The following COBLL1 variants were observed in gnomAD, a reference collection of about 807,000 sequenced individuals.
The protein encoded by COBLL1 is cordon-bleu protein-like 1.
COBLL1 carries 50 observed loss-of-function variants against 94.8 expected under a neutral mutation model. The ratio of observed to expected loss-of-function variants is 0.53; its 90% CI spans 0.42 to 0.67. The LOEUF (loss-of-function observed/expected upper bound fraction) is 0.67. Among genes scored for constraint, COBLL1 ranks in the 30% least tolerant of loss-of-function variants. COBLL1 has a pLI of 0.00. For missense variants in COBLL1, 1,362 were observed against 1,348.7 expected, an observed-to-expected ratio of 1.01 and a Z score of -0.15; for synonymous variants, 448 against 473.8, an observed-to-expected ratio of 0.95 and a Z score of 0.71.
At chr2:164,826,554 C>T (rs895422233) in intron 2 of COBLL1, among the ~76,000 whole-genome samples, 5 of 152,174 alleles carry the variant, frequency 3.3e-5, no homozygotes, top group Non-Finnish European at 7.3e-5. Flanking sequence ...GTATTACTAT[C>T]CTCTTCCACA....
Position 164,683,046 on chromosome 2 carries a change from C to T in COBLL1, c.*2900G>A, listed in dbSNP as rs190237527. 11 of 146,798 alleles carry T rather than the reference C, an allele frequency of 7.5e-5. No homozygotes were observed. The highest frequency in any genetic ancestry group is 5.8e-4 in the East Asian group (3 of 5,160). The allele number at this position is 146,798 out of a possible 1,614,324, so 9.1% of individuals were successfully genotyped here. A position where few individuals can be genotyped will look rare whatever the true frequency, so the allele number is the denominator to read the frequency against. On this transcript the variant is annotated 3_prime_UTR_variant, in exon 14 of 14. Transcript: ENST00000652658. ...CACACACACACACACACACAAAAGCCCCCAACAAACCTGCACACATGTACT... is the reference window on the plus strand; with the variant it reads ...CACACACACACACACACACAAAAGCTCCCAACAAACCTGCACACATGTACT...
chr2:164,670,568 A>C (rs1161210300), intron 1 of COBLL1, among the ~76,000 whole-genome samples: 1 of 152,360 alleles, frequency 6.6e-6, no homozygotes, highest in East Asian at 1.9e-4. Context: ...TCTAAAAATG[A>C]ATACAGTGTT....
Position 164,695,090 on chromosome 2 carries a change from G to C in COBLL1, c.2302C>G (p.His768Asp). Residue 768 changes from histidine (H) to aspartate (D), a missense_variant, in exon 12 of 14, where the codon CAC (histidine) becomes GAC (aspartate). Physicochemically the swap from His to Asp is moderately conservative, Grantham distance 81. Coordinates refer to ENST00000652658, the MANE Select transcript of COBLL1 (RefSeq NM_001365672.2). ...GTTTCTTTCACATTCTCATGAGTGT[G>C]CTTTTTCCCTAAAGCATGCATGTCC... ...DQDMHALGKKHTHENVKETAI... is the reference protein window; with the variant it reads ...DQDMHALGKKDTHENVKETAI... The C allele has an allele frequency of 6.2e-7, 1 of 1,613,794 alleles. No individual in the cohort carries two copies. Among genetic ancestry groups the C allele is most frequent in the Non-Finnish European group, 8.5e-7 (1 of 1,179,920 alleles).
At chr2:164,670,747 A>G (rs747656205) in intron 1 of COBLL1, among the ~76,000 whole-genome samples, 6 of 152,170 alleles carry the variant, frequency 3.9e-5, no homozygotes, top group Non-Finnish European at 8.8e-5. Context: ...CTGCATGGTG[A>G]TCAGCAACAG....
At chr2:164,726,526 C>T (rs1685730666) in intron 5 of COBLL1, among the ~76,000 whole-genome samples, 1 of 152,118 alleles carries the variant, frequency 6.6e-6, no homozygotes, top group South Asian at 2.1e-4. Context: ...AAAAAAATCA[C>T]ATACCATAAC....
chr2:164,737,639 G>T (rs1671883448), intron 3 of COBLL1, among the ~76,000 whole-genome samples: 1 of 151,954 alleles, frequency 6.6e-6, no homozygotes, highest in Non-Finnish European at 1.5e-5. Flanking sequence ...TCACACATTT[G>T]TCATCACTGG....
intron 12 of COBLL1, among the ~76,000 whole-genome samples, chr2:164,693,444 T>C (rs905538069): frequency 6.6e-6 from 1 of 152,150 alleles, no homozygotes; most frequent in Non-Finnish European, 1.5e-5. Context: ...CACACAAATA[T>C]GAATGTATTC....
chr2:164,703,251 C>T, intron 9 of COBLL1: 1 of 1,460,346 alleles, frequency 6.8e-7, no homozygotes, highest in South Asian at 1.2e-5. Context: ...GTAGAAATGG[C>T]ACTTAGACAA....
chr2:164,819,111 A>G (rs1685032721), intron 2 of COBLL1, among the ~76,000 whole-genome samples: 1 of 152,084 alleles, frequency 6.6e-6, no homozygotes, highest in Admixed American at 6.6e-5. Context: ...ACTTAAAGTA[A>G]TATTTTAAAG....
chr2:164,820,452 C>T (rs1291651046), intron 2 of COBLL1, among the ~76,000 whole-genome samples: 1 of 152,054 alleles, frequency 6.6e-6, no homozygotes, highest in African/African-American at 2.4e-5. Context: ...AAATCCTGGG[C>T]TTCGGTGATC....
At chr2:164,797,337 C>G (rs1683516863) in intron 2 of COBLL1, among the ~76,000 whole-genome samples, 2 of 152,134 alleles carry the variant, frequency 1.3e-5, no homozygotes, top group Non-Finnish European at 2.9e-5. Context: ...CTTACTTTTT[C>G]ACTCTAACTA....
chr2:164,694,620 G>A lies in COBLL1; in HGVS notation c.2772C>T (p.His924=), dbSNP rs372992157. 1.4e-5 allele frequency: 23 copies of A among 1,613,944 alleles called. No homozygotes were observed. The African/African-American group carries it at 2.8e-4, about 20-fold the overall frequency. Residue 924 remains histidine (H), a synonymous_variant, in exon 12 of 14, where the codon CAC becomes CAT. Transcript: ENST00000652658. ...TTTCAACAAGGGGTTGTGGAACAGAGTGAGGCATTTTACTTAAGGGAGAAA... is the reference window on the plus strand; with the variant it reads ...TTTCAACAAGGGGTTGTGGAACAGAATGAGGCATTTTACTTAAGGGAGAAA... ...QTLSPLSKMP[H]SVPQPLVEKT...
chr2:164,814,531 T>C (rs1438189253), intron 2 of COBLL1, among the ~76,000 whole-genome samples: 1 of 152,202 alleles, frequency 6.6e-6, no homozygotes, highest in African/African-American at 2.4e-5. Flanking sequence ...ATTTTCCATA[T>C]ACGTTTATCT....
intron 11 of COBLL1, 112 bp downstream of exon 11, chr2:164,699,293 T>C: frequency 1.4e-6 from 1 of 736,238 alleles, no homozygotes; most frequent in Non-Finnish European, 2.5e-6. Flanking sequence ...ATGAGGTAGG[T>C]ATTAAGTGAG....
At chr2:164,801,747 T>C (rs1360522716) in intron 2 of COBLL1, among the ~76,000 whole-genome samples, 3 of 152,234 alleles carry the variant, frequency 2.0e-5, no homozygotes, top group Non-Finnish European at 2.9e-5. Flanking sequence ...TTTCTATTTG[T>C]TCTTGTGCTA....
chr2:164,800,675 G>C (rs355915), intron 2 of COBLL1: 6 of 641,620 alleles, frequency 9.4e-6, no homozygotes, highest in African/African-American at 7.3e-5. Flanking sequence ...TGGGTGAATG[G>C]ATAAAGAAAC....
chr2:164,790,564 C>A (rs758245430), intron 2 of COBLL1, among the ~76,000 whole-genome samples: 2 of 152,120 alleles, frequency 1.3e-5, no homozygotes, highest in Non-Finnish European at 2.9e-5. Context: ...TTTCCTTATA[C>A]ATCATTTTAC....
chr2:164,695,510 C>T lies in COBLL1; in HGVS notation c.1882G>A (p.Glu628Lys). The T allele has an allele frequency of 6.2e-7, 1 of 1,613,892 alleles. No homozygotes were observed. The highest frequency in any genetic ancestry group is 8.5e-7 in the Non-Finnish European group (1 of 1,179,902). Residue 628 changes from glutamate (E) to lysine (K), a missense_variant, in exon 12 of 14, where the codon GAA becomes AAA. Glu to Lys is a moderately conservative substitution (Grantham distance 56, BLOSUM62 1). Coordinates refer to ENST00000652658, the MANE Select transcript of COBLL1 (RefSeq NM_001365672.2). Reference sequence around the variant, plus strand: ...TTATTTGAAGTTTGCACACATTCTTCAACTTTGGAGTCAGATAAATTATGA... The same window carrying T: ...TTATTTGAAGTTTGCACACATTCTTTAACTTTGGAGTCAGATAAATTATGA... ...QDHNLSDSKV[E>K]ECVQTSNNNI...
intron 2 of COBLL1, among the ~76,000 whole-genome samples, chr2:164,754,981 A>G (rs1379977214): frequency 6.6e-6 from 1 of 152,020 alleles, no homozygotes; most frequent in African/African-American, 2.4e-5. Flanking sequence ...TGGATGACAT[A>G]ATAATACTTC....
Sources: allele counts gnomAD v4.1 joint callset (sites outside exome capture counted in the v4.1 genomes callset), GRCh38; gene constraint gnomAD v4.1.1; transcripts MANE v1.5; gene names NCBI Gene and HGNC (gene_info 2026-07-23, HGNC 2026-07-21).